EDA2R: variants seen among roughly 807,000 people sequenced by gnomAD.
EDA2R encodes the protein tumor necrosis factor receptor superfamily member 27.
In EDA2R, 26 loss-of-function variants were observed where a neutral mutation model predicts 20.1. That is an observed-to-expected ratio of 1.30 (90% CI 0.95 to 1.80). The LOEUF (loss-of-function observed/expected upper bound fraction) is 1.80, where lower values mean the gene tolerates loss of function less well. EDA2R is among the 40% of genes most tolerant of loss of function. EDA2R has a pLI of 0.00. For missense variants in EDA2R, 277 were observed against 228.7 expected (o/e 1.21, Z -1.36); for synonymous variants, 114 against 88.7 (o/e 1.29, Z -1.60).
chrX:66,603,501 T>C (rs1479176845), intron 4 of EDA2R, among the ~76,000 whole-genome samples: 1 of 111,868 alleles, frequency 8.9e-6, no homozygotes, highest in South Asian at 3.8e-4. Flanking sequence ...AGAACCAGTA[T>C]GTCTCCTCCA....
chrX:66,627,256 T>C (rs1933189467), intron 1 of EDA2R, among the ~76,000 whole-genome samples: 1 of 112,041 alleles, frequency 8.9e-6, no homozygotes, highest in African/African-American at 3.2e-5. Flanking sequence ...AATAGCACAA[T>C]GAATGCAATG....
chrX:66,627,243 AC>A (rs1364290197), intron 1 of EDA2R, among the ~76,000 whole-genome samples: 1 of 112,444 alleles, frequency 8.9e-6, no homozygotes, highest in Non-Finnish European at 1.9e-5. Flanking sequence ...TACACAGGCA[AC>A]AAATAGCACA....
chrX:66,599,602 A>G lies in EDA2R; in HGVS notation c.776T>C (p.Leu259Pro). The G allele has an allele frequency of 8.3e-7, 1 of 1,201,613 alleles. No individual in the cohort carries two copies. The highest frequency in any genetic ancestry group is 1.1e-6 in the Non-Finnish European group (1 of 890,390). ...HSPIECTELDLQKFSSSASYT... is the reference protein window; with the variant it reads ...HSPIECTELDPQKFSSSASYT... ...GGAGGCAGAGCTGGAAAACTTTTGCAGGTCCAGCTCTGTGCATTCGATGGG... is the reference window on the plus strand; with the variant it reads ...GGAGGCAGAGCTGGAAAACTTTTGCGGGTCCAGCTCTGTGCATTCGATGGG... The change falls in exon 6 of 7, where the codon CTG becomes CCG. Residue 259 changes from leucine (L) to proline (P), a missense_variant. Coordinates refer to ENST00000374719, the MANE Select transcript of EDA2R (RefSeq NM_021783.5).
intron 2 of EDA2R, among the ~76,000 whole-genome samples, chrX:66,614,427 T>C (rs1323227705): frequency 1.8e-5 from 2 of 112,326 alleles, no homozygotes; most frequent in Non-Finnish European, 3.8e-5. Context: ...TACATCCTAA[T>C]TGATTCTGAG....
At chrX:66,625,631 G>A (rs921106237) in intron 1 of EDA2R, among the ~76,000 whole-genome samples, 3 of 111,575 alleles carry the variant, frequency 2.7e-5, no homozygotes, top group Non-Finnish European at 5.7e-5. Flanking sequence ...CTAGGGCCCC[G>A]TGTACTACTG....
intron 2 of EDA2R, among the ~76,000 whole-genome samples, chrX:66,612,630 T>C (rs1484906881): frequency 9.1e-6 from 1 of 110,171 alleles, no homozygotes; most frequent in Non-Finnish European, 1.9e-5. Flanking sequence ...AAAAGACAAA[T>C]AGAGGGACAA....
At chrX:66,603,496 C>T (rs562591477) in intron 4 of EDA2R, among the ~76,000 whole-genome samples, 1 of 111,549 alleles carries the variant, frequency 9.0e-6, no homozygotes, top group South Asian at 3.8e-4. Context: ...AGTTAAGAAC[C>T]AGTATGTCTC....
At position 66,626,172 on chromosome X, in the gene EDA2R, G is replaced by C. The variant is rs372136837; in HGVS notation, c.-10-10142C>G. On this transcript the variant is annotated intron_variant, in intron 1 of 6. Transcript: ENST00000374719. The stretch of plus-strand genomic sequence containing the variant: ...GGATCCAAACCAAGATAAAATCTCT[G>C]ATTTACCTGAAAAAGAATTCAGGAG... Among the ~76,000 whole-genome samples, 40 of 111,742 alleles carry C rather than the reference G, an allele frequency of 3.6e-4. 1 individual carries two copies. The East Asian group carries it at 6.7e-3, about 19-fold the overall frequency.
chrX:66,597,149 CA>C lies in EDA2R; in HGVS notation c.*954del, dbSNP rs1410046143. ...GGACAGGAACTAGCTGTACAAGTTT[CA>C]GACAGATTCTTGGAGAATAAAGAAT... On this transcript the variant is annotated 3_prime_UTR_variant, in exon 7 of 7. Transcript: ENST00000374719. The C allele has an allele frequency of 1.8e-5, 2 of 112,875 alleles. No individual in the cohort carries two copies. Among genetic ancestry groups the C allele is most frequent in the Non-Finnish European group, 3.7e-5 (2 of 53,401 alleles). The allele number at this position is 112,875 out of a possible 1,213,427, so 9.3% of individuals were successfully genotyped here.
chrX:66,609,481 A>G (rs895335575), intron 2 of EDA2R, among the ~76,000 whole-genome samples: 46 of 111,619 alleles, frequency 4.1e-4, no homozygotes, highest in African/African-American at 1.4e-3. Flanking sequence ...TTGAAAAGTT[A>G]AAGGGTTTCT....
intron 1 of EDA2R, among the ~76,000 whole-genome samples, chrX:66,638,521 G>C (rs1015297454): frequency 9.0e-6 from 1 of 110,561 alleles, no homozygotes; most frequent in African/African-American, 3.3e-5. Flanking sequence ...GGCGGGTGAG[G>C]GGGTGGATTG....
Position 66,596,045 on chromosome X carries a change from A to C in EDA2R, c.*2059T>G, listed in dbSNP as rs769639876. 1 of 110,129 alleles carries C rather than the reference A, an allele frequency of 9.1e-6. No homozygotes were observed. The highest frequency in any genetic ancestry group is 1.9e-5 in the Non-Finnish European group (1 of 52,734). The allele number at this position is 110,129 out of a possible 1,213,427, so 9.1% of individuals were successfully genotyped here. ...CAGTAATCCAAAAAAAAAAAAATTC[A>C]TTCTCAGGAAATACCTCCCCTTCCT... On this transcript the variant is annotated 3_prime_UTR_variant, in exon 7 of 7. Coordinates refer to ENST00000374719, the MANE Select transcript of EDA2R (RefSeq NM_021783.5).
chrX:66,606,925 T>C (rs1929789196), intron 2 of EDA2R, among the ~76,000 whole-genome samples: 1 of 112,579 alleles, frequency 8.9e-6, no homozygotes, highest in Non-Finnish European at 1.9e-5. Flanking sequence ...GGAAAAGTGA[T>C]GGGCACTGTT....
intron 1 of EDA2R, among the ~76,000 whole-genome samples, chrX:66,633,425 T>C (rs1934032492): frequency 8.9e-6 from 1 of 111,902 alleles, no homozygotes. Flanking sequence ...GTTCTTCTAC[T>C]GACTGCTAAA....
At chrX:66,617,863 C>T (rs777717305) in intron 1 of EDA2R, among the ~76,000 whole-genome samples, 22 of 97,660 alleles carry the variant, frequency 2.3e-4, no homozygotes, top group Non-Finnish European at 4.3e-4. Context: ...TCCTTCTTTC[C>T]TTCCTTCCTT....
At chrX:66,617,859 T>G (rs1042034457) in intron 1 of EDA2R, among the ~76,000 whole-genome samples, 2 of 94,275 alleles carry the variant, frequency 2.1e-5, no homozygotes, top group African/African-American at 8.2e-5. Flanking sequence ...TCCTTCCTTC[T>G]TTCCTTCCTT....
Position 66,636,354 on chromosome X carries a change from A to G in EDA2R, c.-11+2641T>C. ...ACAGAGTCATATTTGACTTGATACC[A>G]TGCCAGATAAGAAATGATACAATTA... On this transcript the variant is annotated intron_variant, in intron 1 of 6. Coordinates refer to ENST00000374719, the MANE Select transcript of EDA2R (RefSeq NM_021783.5). Among the ~76,000 whole-genome samples, 2 of 111,383 alleles carry G rather than the reference A, an allele frequency of 1.8e-5. 1 individual carries two copies. Among genetic ancestry groups the G allele is most frequent in the Middle Eastern group, 9.3e-3 (2 of 214 alleles).
intron 5 of EDA2R, chrX:66,600,145 C>T: frequency 1.0e-6 from 1 of 983,754 alleles, no homozygotes; most frequent in Non-Finnish European, 1.4e-6. Flanking sequence ...TACCATCTCC[C>T]TTGCCATAAT....
At chrX:66,631,262 T>C (rs1347896582) in intron 1 of EDA2R, among the ~76,000 whole-genome samples, 1 of 110,782 alleles carries the variant, frequency 9.0e-6, no homozygotes, top group Admixed American at 9.6e-5. Flanking sequence ...GTGCAGTGTA[T>C]ACTGCTCAGG....
Sources: gnomAD v4.1 joint callset for allele counts (sites outside exome capture counted in the v4.1 genomes callset) on GRCh38, gnomAD v4.1.1 for gene constraint, MANE v1.5 for transcripts, NCBI Gene and HGNC (gene_info 2026-07-23, HGNC 2026-07-21) for gene names.